EIF5: variants seen among roughly 807,000 people sequenced by gnomAD.
EIF5 encodes the protein eukaryotic translation initiation factor 5.
Under a neutral mutation model 48.3 loss-of-function variants are expected in EIF5, and 10 were observed. That is an observed-to-expected ratio of 0.21 (90% CI 0.13 to 0.35). EIF5 has a LOEUF of 0.35. Among genes scored for constraint, EIF5 ranks in the 10% least tolerant of loss-of-function variants. EIF5 has a pLI of 1.00. For missense variants in EIF5, 397 were observed against 533.2 expected, an observed-to-expected ratio of 0.74 and a Z score of 2.51; for synonymous variants, 237 against 173.1, an observed-to-expected ratio of 1.37 and a Z score of -2.90.
chr14:103,341,127 T>G lies in EIF5; in HGVS notation c.*75T>G. On this transcript the variant is annotated 3_prime_UTR_variant, in exon 12 of 12. Transcript: ENST00000216554. ...CATTATCAGCCAGAAGTGCAACATGTATGTGCAAAAGCTAAAATGGCTTAA... is the reference window on the plus strand; with the variant it reads ...CATTATCAGCCAGAAGTGCAACATGGATGTGCAAAAGCTAAAATGGCTTAA... The G allele has an allele frequency of 7.3e-7, 1 of 1,372,048 alleles. No homozygotes were observed. The highest frequency in any genetic ancestry group is 1.0e-6 in the Non-Finnish European group (1 of 963,850). The allele number at this position is 1,372,048 out of a possible 1,614,324, so 85.0% of individuals were successfully genotyped here.
At chr14:103,335,600 G>A (rs947868731) in intron 2 of EIF5, 53 bp from the exon 3 acceptor site, 14 of 525,520 alleles carry the variant, frequency 2.7e-5, no homozygotes, top group Admixed American at 6.8e-5. Context: ...TCCATCCAGC[G>A]ATGATGTTAA....
At chr14:103,337,331 ACGGTGGCT>A (rs1219461553) in intron 6 of EIF5, 104 bp downstream of exon 6, 11 of 962,936 alleles carry the variant, frequency 1.1e-5, no homozygotes, top group Non-Finnish European at 1.7e-5. Flanking sequence ...GAGACTGGGC[ACGGTGGCT>A]CATGCTTGTA....
rs965948087 is a variant in EIF5, at chr14:103,336,113, A to G, written c.150A>G (p.Pro50=). The G allele has an allele frequency of 6.2e-7, 1 of 1,614,108 alleles. No homozygotes were observed. Among genetic ancestry groups the G allele is most frequent in the East Asian group, 2.2e-5 (1 of 44,882 alleles). The change falls in exon 4 of 12, where the codon CCA becomes CCG. Residue 50 remains proline, a synonymous_variant. Coordinates refer to ENST00000216554, the MANE Select transcript of EIF5 (RefSeq NM_001969.5). The part of the protein sequence containing the change: ...VDVAKALNRP[P]TYPTKYFGCE... ...TTGCAAAGGCGCTTAATCGGCCTCC[A>G]ACGTGTAAGTAAAGCTTGGAAAAGT...
chr14:103,337,588 ACT>A (rs1441977945), intron 6 of EIF5: 3 of 331,192 alleles, frequency 9.1e-6, no homozygotes, highest in Non-Finnish European at 1.1e-5. Context: ...GGCAACAGCG[ACT>A]CTGTCTCAAA....
rs1156958468 is a variant in EIF5 at position 103,335,696 on chromosome 14, ATACAAGCAAGAAGCT to A, written c.-160_-146del. The stretch of plus-strand genomic sequence containing the variant: ...GGTACCTGTATTGGGGAAACATAGC[ATACAAGCAAGAAGCT>A]TACAGCCTCAGTGGCGAAAATTTTT... On this transcript the variant is annotated 5_prime_UTR_variant, in exon 3 of 12. Coordinates refer to ENST00000216554, the MANE Select transcript of EIF5 (RefSeq NM_001969.5). 1 of 657,614 alleles carries A rather than the reference ATACAAGCAAGAAGCT, an allele frequency of 1.5e-6. No homozygotes were observed. Among genetic ancestry groups the A allele is most frequent in the African/African-American group, 1.8e-5 (1 of 54,816 alleles). The allele number at this position is 657,614 out of a possible 1,614,324, so 40.7% of individuals were successfully genotyped here.
In EIF5 at chr14:103,342,215, T is replaced by C. The variant is rs1295676886; in HGVS notation, c.*1163T>C. On this transcript the variant is annotated 3_prime_UTR_variant, in exon 12 of 12. Transcript: ENST00000216554. Reference sequence around the variant, plus strand: ...TACTTCTAAGTCAGAGCCTCTATTTTGGTGTAAGACTTGGGATATTTTTTA... The same window carrying C: ...TACTTCTAAGTCAGAGCCTCTATTTCGGTGTAAGACTTGGGATATTTTTTA... 6.6e-6 allele frequency: 1 copy of C among 152,612 alleles called. No individual in the cohort carries two copies. Among genetic ancestry groups the C allele is most frequent in the Non-Finnish European group, 1.5e-5 (1 of 68,046 alleles). 9.5% of individuals were successfully genotyped at this position (152,612 alleles called of 1,614,324 possible).
At chr14:103,337,877 ACTGT>A (rs758637320) in intron 6 of EIF5, 14 of 520,716 alleles carry the variant, frequency 2.7e-5, no homozygotes, top group South Asian at 1.3e-4. Flanking sequence ...GATGATCAAA[ACTGT>A]CTGACACAAT....
At chr14:103,340,261 G>A in intron 10 of EIF5, 166 bp from the exon 11 acceptor site, 1 of 710,300 alleles carries the variant, frequency 1.4e-6, no homozygotes, top group Non-Finnish European at 2.4e-6. Flanking sequence ...CAGATTTGTA[G>A]TCATAACAGA....
At chr14:103,334,685 G>C (rs1322375868) in intron 2 of EIF5, 88 bp downstream of exon 2, 2 of 146,318 alleles carry the variant, frequency 1.4e-5, no homozygotes, top group East Asian at 4.0e-4. Context: ...GTGTGGCGCA[G>C]TTTGGGCGGA....
chr14:103,334,277 G>A lies in EIF5; in HGVS notation c.-418+17G>A. 6.6e-6 allele frequency: 1 copy of A among 152,260 alleles called. No homozygotes were observed. Among genetic ancestry groups the A allele is most frequent in the East Asian group, 1.9e-4 (1 of 5,150 alleles). The allele number at this position is 152,260 out of a possible 1,614,324, so 9.4% of individuals were successfully genotyped here. A position where few individuals can be genotyped will look rare whatever the true frequency, so the allele number is the denominator to read the frequency against. On this transcript the variant is annotated intron_variant, in intron 1 of 11. Coordinates refer to ENST00000216554, the MANE Select transcript of EIF5 (RefSeq NM_001969.5). ...ATTCCAGAGGTGAGTCCGGTGAAGGGGCGGCCCCCTGCCCGGTGCTTCCCG... is the reference window on the plus strand; with the variant it reads ...ATTCCAGAGGTGAGTCCGGTGAAGGAGCGGCCCCCTGCCCGGTGCTTCCCG...
chr14:103,339,631 A>C lies in EIF5; in HGVS notation c.907-8A>C. 1 of 1,614,100 alleles carries C rather than the reference A, an allele frequency of 6.2e-7. No individual in the cohort carries two copies. Among genetic ancestry groups the C allele is most frequent in the South Asian group, 1.1e-5 (1 of 91,082 alleles). ...AAAGATTGTTAACACCAAGGTGTCT[A>C]TTTGCAGTTTTGTCACAACAACAAA... On this transcript the variant is annotated splice_polypyrimidine_tract_variant and splice_region_variant and intron_variant, in intron 9 of 11. Coordinates refer to ENST00000216554, the MANE Select transcript of EIF5 (RefSeq NM_001969.5).
At chr14:103,336,963 T>C in intron 5 of EIF5, 114 bp downstream of exon 5, 1 of 1,419,444 alleles carries the variant, frequency 7.0e-7, no homozygotes, top group Non-Finnish European at 9.5e-7. Context: ...AACACAAAAC[T>C]CCAGTTTTCG....
Position 103,342,292 on chromosome 14 carries a change from G to A in EIF5, c.*1240G>A, listed in dbSNP as rs2089362852. On this transcript the variant is annotated 3_prime_UTR_variant, in exon 12 of 12. Coordinates refer to ENST00000216554, the MANE Select transcript of EIF5 (RefSeq NM_001969.5). Reference sequence around the variant, plus strand: ...CAAGAAGTCTGATGGCCACCTGAGTGCAGGTGACAAGGACCTGACAGAGCC... The same window carrying A: ...CAAGAAGTCTGATGGCCACCTGAGTACAGGTGACAAGGACCTGACAGAGCC... 1.3e-5 allele frequency: 2 copies of A among 152,220 alleles called. No individual in the cohort carries two copies. Among genetic ancestry groups the A allele is most frequent in the African/African-American group, 4.8e-5 (2 of 41,360 alleles). The allele number at this position is 152,220 out of a possible 1,614,324, so 9.4% of individuals were successfully genotyped here. A position where few individuals can be genotyped will look rare whatever the true frequency, so the allele number is the denominator to read the frequency against.
At chr14:103,336,962 C>G (rs1201593690) in intron 5 of EIF5, 113 bp downstream of exon 5, 1 of 1,419,144 alleles carries the variant, frequency 7.0e-7, no homozygotes, top group African/African-American at 1.4e-5. Context: ...AAACACAAAA[C>G]TCCAGTTTTC....
chr14:103,341,218 C>T lies in EIF5; in HGVS notation c.*166C>T. On this transcript the variant is annotated 3_prime_UTR_variant, in exon 12 of 12. Coordinates refer to ENST00000216554, the MANE Select transcript of EIF5 (RefSeq NM_001969.5). ...TGGTCTGTTATTAAGCCCAATGAGACATCTAGGGAGTCCATACACATCAGT... is the reference window on the plus strand; with the variant it reads ...TGGTCTGTTATTAAGCCCAATGAGATATCTAGGGAGTCCATACACATCAGT... The T allele has an allele frequency of 1.6e-6, 1 of 613,452 alleles. No homozygotes were observed. The allele number at this position is 613,452 out of a possible 1,614,324, so 38.0% of individuals were successfully genotyped here.
chr14:103,340,645 T>C, intron 11 of EIF5, 84 bp downstream of exon 11: 2 of 1,512,426 alleles, frequency 1.3e-6, no homozygotes, highest in East Asian at 2.3e-5. Context: ...AGTGATATAA[T>C]GGCAGTTTGG....
Position 103,341,134 on chromosome 14 carries a change from A to C in EIF5, c.*82A>C. On this transcript the variant is annotated 3_prime_UTR_variant, in exon 12 of 12. Coordinates refer to ENST00000216554, the MANE Select transcript of EIF5 (RefSeq NM_001969.5). Reference sequence around the variant, plus strand: ...AGCCAGAAGTGCAACATGTATGTGCAAAAGCTAAAATGGCTTAACATCATG... The same window carrying C: ...AGCCAGAAGTGCAACATGTATGTGCCAAAGCTAAAATGGCTTAACATCATG... 1 of 1,293,030 alleles carries C rather than the reference A, an allele frequency of 7.7e-7. No individual in the cohort carries two copies. 80.1% of individuals were successfully genotyped at this position (1,293,030 alleles called of 1,614,324 possible).
Position 103,344,647 on chromosome 14 carries a change from G to A in EIF5, c.*3595G>A, listed in dbSNP as rs1188255790. ...GCAATGCCTGGCTGGGGCAGTAGGG[G>A]AAATTCCACCCAATTTTGCTATGAG... On this transcript the variant is annotated 3_prime_UTR_variant, in exon 12 of 12. Transcript: ENST00000216554. 2.0e-5 allele frequency: 3 copies of A among 152,172 alleles called. No homozygotes were observed. The highest frequency in any genetic ancestry group is 6.6e-5 in the Admixed American group (1 of 15,264). 9.4% of individuals were successfully genotyped at this position (152,172 alleles called of 1,614,324 possible). A position where few individuals can be genotyped will look rare whatever the true frequency, so the allele number is the denominator to read the frequency against.
intron 6 of EIF5, 131 bp downstream of exon 6, chr14:103,337,358 A>G: frequency 4.0e-6 from 3 of 749,436 alleles, no homozygotes; most frequent in Non-Finnish European, 6.3e-6. Context: ...TATTCCCCGC[A>G]TTTTGGGAGG....
Sources: allele counts gnomAD v4.1 joint callset, GRCh38; gene constraint gnomAD v4.1.1; transcripts MANE v1.5; gene names NCBI Gene and HGNC (gene_info 2026-07-23, HGNC 2026-07-21).